DPP6: variants seen among roughly 807,000 people sequenced by gnomAD.
DPP6 encodes the protein dipeptidyl peptidase like 6.
Under a neutral mutation model 122.6 loss-of-function variants are expected in DPP6, and 69 were observed. That is an observed-to-expected ratio of 0.56 (90% CI 0.46 to 0.69). DPP6 has a LOEUF of 0.69. Among genes scored for constraint, DPP6 ranks in the 30% least tolerant of loss-of-function variants. The pLI, the probability that DPP6 is intolerant of heterozygous loss-of-function variation, is 0.00. For missense variants in DPP6, 928 were observed against 1,116.9 expected, an observed-to-expected ratio of 0.83 and a Z score of 2.41; for synonymous variants, 418 against 433.1, an observed-to-expected ratio of 0.97 and a Z score of 0.43.
chr7:154,167,175 T>G (rs1469682633), intron 1 of DPP6, among the ~76,000 whole-genome samples: 1 of 152,120 alleles, frequency 6.6e-6, no homozygotes, highest in Non-Finnish European at 1.5e-5. Flanking sequence ...GCTGCTGACC[T>G]GTCAGATGAT....
chr7:154,800,091 G>A (rs949614936), intron 12 of DPP6, among the ~76,000 whole-genome samples: 3 of 152,232 alleles, frequency 2.0e-5, no homozygotes, highest in Non-Finnish European at 2.9e-5. Context: ...AGCGCTACCC[G>A]CCGCACAGTT....
chr7:153,818,148 C>CATAT, the DPP6 span, among the ~76,000 whole-genome samples: 2,995 of 149,274 alleles, frequency 0.02, 75 homozygotes, highest in African/African-American at 0.069. Context: ...ATGGCCAATG[C>CATAT]ATATATATAT....
At chr7:154,224,836 C>T (rs1356732148) in intron 1 of DPP6, among the ~76,000 whole-genome samples, 1 of 139,900 alleles carries the variant, frequency 7.1e-6, no homozygotes, top group East Asian at 2.1e-4. Context: ...TCATTGTTAA[C>T]ATTTTAAAAA....
intron 1 of DPP6, among the ~76,000 whole-genome samples, chr7:154,061,692 A>G (rs1417675885): frequency 1.2e-5 from 1 of 84,688 alleles, no homozygotes; most frequent in African/African-American, 4.3e-5. Flanking sequence ...TGGGACCACC[A>G]TCGCAGGGGG....
chr7:154,531,566 A>G (rs968016539), intron 3 of DPP6, among the ~76,000 whole-genome samples: 1 of 152,222 alleles, frequency 6.6e-6, no homozygotes. Context: ...ATGATATACA[A>G]TGGAAACTCA....
chr7:153,968,951 A>G (rs995358515), intron 1 of DPP6: 14 of 152,084 alleles, frequency 9.2e-5, no homozygotes, highest in Admixed American at 2.0e-4. Flanking sequence ...GCTTTTTATG[A>G]CTGAGCCATC....
chr7:153,825,959 A>G, the DPP6 span, among the ~76,000 whole-genome samples: 2 of 152,178 alleles, frequency 1.3e-5, no homozygotes, highest in Non-Finnish European at 2.9e-5. Flanking sequence ...CATTTACAAA[A>G]GAAAAATAAA....
intron 1 of DPP6, among the ~76,000 whole-genome samples, chr7:154,418,387 A>G (rs1173729304): frequency 1.3e-5 from 2 of 152,246 alleles, no homozygotes; most frequent in Non-Finnish European, 2.9e-5. Flanking sequence ...TAAGTCAGCC[A>G]GCAAAGAACC....
chr7:154,713,752 G>T (rs61244374), intron 7 of DPP6, among the ~76,000 whole-genome samples: 13,850 of 152,188 alleles, frequency 0.091, 699 homozygotes, highest in African/African-American at 0.14. Flanking sequence ...ACCTGTGATG[G>T]GAGGGGCTGC....
intron 1 of DPP6, among the ~76,000 whole-genome samples, chr7:154,366,467 T>C (rs140407730): frequency 1.3e-5 from 2 of 152,340 alleles, no homozygotes; most frequent in Non-Finnish European, 2.9e-5. Flanking sequence ...ATCGGCACAG[T>C]GGTTCTCAGC....
chr7:153,994,417 T>C (rs1342526508), intron 1 of DPP6, among the ~76,000 whole-genome samples: 1 of 151,718 alleles, frequency 6.6e-6, no homozygotes, highest in Non-Finnish European at 1.5e-5. Flanking sequence ...TTTTAAAAAA[T>C]CATTTTTCAT....
chr7:154,533,776 T>C (rs960886637), intron 3 of DPP6, among the ~76,000 whole-genome samples: 6 of 152,136 alleles, frequency 3.9e-5, no homozygotes, highest in African/African-American at 1.4e-4. Context: ...GGCAGAAGAA[T>C]TGCTTGAGCT....
chr7:154,729,307 C>T (rs992053794), intron 8 of DPP6, among the ~76,000 whole-genome samples: 1 of 152,108 alleles, frequency 6.6e-6, no homozygotes, highest in African/African-American at 2.4e-5. Flanking sequence ...TTTCTCAAGC[C>T]AGTATCACTT....
intron 18 of DPP6, 109 bp downstream of exon 18, chr7:154,868,202 C>T (rs1190386194): frequency 2.0e-5 from 28 of 1,390,694 alleles, no homozygotes; most frequent in African/African-American, 1.0e-4. Context: ...TCCCCAAGCA[C>T]GGGGGTGTAT....
intron 1 of DPP6, among the ~76,000 whole-genome samples, chr7:154,084,967 G>C (rs1231255268): frequency 2.3e-5 from 3 of 127,720 alleles, no homozygotes; most frequent in African/African-American, 9.4e-5. Context: ...TCCAGCCTGG[G>C]CGACAGAGCG....
At chr7:154,214,483 G>C (rs1799896167) in intron 1 of DPP6, among the ~76,000 whole-genome samples, 1 of 152,222 alleles carries the variant, frequency 6.6e-6, no homozygotes, top group African/African-American at 2.4e-5. Flanking sequence ...GTGATGTGGA[G>C]AGGAAAGAGT....
chr7:154,411,640 A>T (rs1816609188), intron 1 of DPP6, among the ~76,000 whole-genome samples: 1 of 152,158 alleles, frequency 6.6e-6, no homozygotes, highest in African/African-American at 2.4e-5. Context: ...CTACCCCACA[A>T]GACAGAGTCA....
At chr7:153,980,055 C>A (rs1267307700) in intron 1 of DPP6, among the ~76,000 whole-genome samples, 3 of 152,098 alleles carry the variant, frequency 2.0e-5, no homozygotes, top group Admixed American at 6.5e-5. Flanking sequence ...TGATGCTGGC[C>A]TCAAAAATGA....
chr7:154,013,108 G>A (rs912482901), intron 1 of DPP6, among the ~76,000 whole-genome samples: 6 of 152,234 alleles, frequency 3.9e-5, no homozygotes, highest in African/African-American at 1.4e-4. Context: ...CTGGAAAACA[G>A]CCTTAAGCAG....
Sources: gnomAD v4.1 joint callset for allele counts (sites outside exome capture counted in the v4.1 genomes callset) on GRCh38, gnomAD v4.1.1 for gene constraint, MANE v1.5 for transcripts, NCBI Gene and HGNC (gene_info 2026-07-23, HGNC 2026-07-21) for gene names.